Variants in GYPB observed in about 807,000 individuals in gnomAD.
GYPB encodes glycophorin B (MNS blood group).
GYPB carries 13 observed loss-of-function variants against 15.3 expected under a neutral mutation model. That is an observed-to-expected ratio of 0.85 (90% CI 0.55 to 1.35). The LOEUF (loss-of-function observed/expected upper bound fraction) is 1.35. GYPB is among the 40% of genes most tolerant of loss of function. GYPB has a pLI of 0.00. For synonymous variants in GYPB, 38 were observed against 36.9 expected (o/e 1.03, Z -0.11); for missense variants, 131 against 108.3 (o/e 1.21, Z -0.93).
At chr4:144,004,562 T>A (rs1727795192) in intron 1 of GYPB, among the ~76,000 whole-genome samples, 1 of 150,954 alleles carries the variant, frequency 6.6e-6, no homozygotes, top group African/African-American at 2.5e-5. Flanking sequence ...ATTTAAAGAA[T>A]TTCATCAATA....
intron 2 of GYPB, chr4:144,000,587 TTTC>T (rs1727574099): frequency 1.2e-5 from 4 of 320,754 alleles, no homozygotes; most frequent in Non-Finnish European, 1.2e-5. Context: ...AGCTCCAGAA[TTTC>T]TTCTTCTCCC....
intron 3 of GYPB, among the ~76,000 whole-genome samples, chr4:143,998,230 A>G (rs1312399538): frequency 2.0e-5 from 3 of 151,438 alleles, no homozygotes; most frequent in Non-Finnish European, 4.4e-5. Context: ...AGTCTCCAAT[A>G]TAGTCACTAA....
chr4:144,004,954 CA>C (rs1448388225), intron 1 of GYPB, among the ~76,000 whole-genome samples: 1 of 151,860 alleles, frequency 6.6e-6, no homozygotes, highest in African/African-American at 2.4e-5. Context: ...AACCATTGAA[CA>C]ACAAACTTTA....
chr4:144,018,231 G>T (rs1175338486), intron 1 of GYPB, among the ~76,000 whole-genome samples: 1 of 151,356 alleles, frequency 6.6e-6, no homozygotes, highest in Non-Finnish European at 1.5e-5. Flanking sequence ...ACATAAAAAT[G>T]TGGGCCCTTA....
In GYPB at chr4:144,011,704, A is replaced by G. The variant is rs1407447945; in HGVS notation, c.37+7547T>C. On this transcript the variant is annotated intron_variant, in intron 1 of 4. Transcript: ENST00000502664. ...ATATATCTGCTTGCAATCACAAGCT[A>G]TTGATTTATATGATTTTTTGCTAAC... Among the ~76,000 whole-genome samples, 3 of 151,350 alleles carry G rather than the reference A, an allele frequency of 2.0e-5. 1 individual carries two copies. The highest frequency in any genetic ancestry group is 7.4e-5 in the African/African-American group (3 of 40,616).
chr4:144,018,248 C>A (rs530787035), intron 1 of GYPB, among the ~76,000 whole-genome samples: 1 of 151,292 alleles, frequency 6.6e-6, no homozygotes, highest in East Asian at 1.9e-4. Context: ...CTTAATTTGC[C>A]TTAATGTTCC....
intron 3 of GYPB, among the ~76,000 whole-genome samples, chr4:143,998,042 C>T (rs1052107850): frequency 1.3e-5 from 2 of 151,362 alleles, no homozygotes; most frequent in African/African-American, 4.9e-5. Context: ...GAGCATTGAA[C>T]AGATCATAGA....
rs966044382 is a variant in GYPB, at chr4:144,018,397, T to A, written c.37+854A>T. Among the ~76,000 whole-genome samples, 9 of 149,874 alleles carry A rather than the reference T, an allele frequency of 6.0e-5. 1 individual carries two copies. The highest frequency in any genetic ancestry group is 2.3e-4 in the African/African-American group (9 of 39,316). ...TCTCTCTTCCCTGTATGCTACAGAG[T>A]GCTCAGTAGATCCTTGATACTTGCG... On this transcript the variant is annotated intron_variant, in intron 1 of 4. Coordinates refer to ENST00000502664, the MANE Select transcript of GYPB (RefSeq NM_002100.6).
intron 1 of GYPB, among the ~76,000 whole-genome samples, chr4:144,015,424 A>G (rs1728436199): frequency 6.6e-6 from 1 of 151,432 alleles, no homozygotes; most frequent in Non-Finnish European, 1.5e-5. Flanking sequence ...TTTTGTCAGC[A>G]CCATATAAGT....
intron 1 of GYPB, chr4:144,002,584 T>G: frequency 3.1e-6 from 4 of 1,286,502 alleles, no homozygotes; most frequent in Non-Finnish European, 4.1e-6. Flanking sequence ...TGCTCATCTC[T>G]TGGAGACATT....
At chr4:144,003,513 C>T (rs2667341) in intron 1 of GYPB, among the ~76,000 whole-genome samples, 2 of 151,312 alleles carry the variant, frequency 1.3e-5, no homozygotes, top group South Asian at 2.1e-4. Context: ...AAAGAACCAA[C>T]AATGGGAGCT....
intron 1 of GYPB, among the ~76,000 whole-genome samples, chr4:144,018,215 G>A (rs906463892): frequency 7.3e-5 from 11 of 151,268 alleles, no homozygotes; most frequent in Admixed American, 2.0e-4. Context: ...TTTTAAAGAC[G>A]AGGACACATA....
chr4:144,015,222 T>C (rs1464465549), intron 1 of GYPB, among the ~76,000 whole-genome samples: 1 of 151,374 alleles, frequency 6.6e-6, no homozygotes, highest in Admixed American at 6.6e-5. Flanking sequence ...GTATTCAAAA[T>C]GAGAAAAAAT....
At chr4:144,014,141 A>G (rs1215165880) in intron 1 of GYPB, among the ~76,000 whole-genome samples, 19 of 151,914 alleles carry the variant, frequency 1.3e-4, no homozygotes, top group African/African-American at 4.1e-4. Context: ...CACCTCATAC[A>G]CTCTGGTGAA....
intron 3 of GYPB, among the ~76,000 whole-genome samples, chr4:143,998,491 G>A (rs1013874668): frequency 4.0e-5 from 6 of 149,498 alleles, no homozygotes; most frequent in Non-Finnish European, 5.9e-5. Context: ...GAATGTATGC[G>A]ATAGTGATGA....
chr4:143,999,354 A>G, intron 3 of GYPB, 57 bp downstream of exon 3: 1 of 887,138 alleles, frequency 1.1e-6, no homozygotes, highest in Non-Finnish European at 1.9e-6. Context: ...CATTTGAAAC[A>G]AGCAATGGAT....
chr4:144,018,681 T>G (rs1366891509), intron 1 of GYPB, among the ~76,000 whole-genome samples: 1 of 151,432 alleles, frequency 6.6e-6, no homozygotes, highest in East Asian at 1.9e-4. Flanking sequence ...TTAATGGATT[T>G]AAATTTCTCC....
At position 144,019,335 on chromosome 4, in the gene GYPB, A is replaced by C; in HGVS notation, c.-48T>G. Reference sequence around the variant, plus strand: ...TGAAGTTAGTGCAAAAAAACTACCAAAGACAACTGCAAGTGTCAGTGTCTG... The same window carrying C: ...TGAAGTTAGTGCAAAAAAACTACCACAGACAACTGCAAGTGTCAGTGTCTG... On this transcript the variant is annotated 5_prime_UTR_variant, in exon 1 of 5. Coordinates refer to ENST00000502664, the MANE Select transcript of GYPB (RefSeq NM_002100.6). The C allele has an allele frequency of 6.2e-7, 1 of 1,611,556 alleles. No individual in the cohort carries two copies. The highest frequency in any genetic ancestry group is 8.5e-7 in the Non-Finnish European group (1 of 1,179,280).
intron 3 of GYPB, among the ~76,000 whole-genome samples, chr4:143,998,215 T>G (rs1380807359): frequency 7.3e-5 from 11 of 151,440 alleles, no homozygotes; most frequent in African/African-American, 1.2e-4. Flanking sequence ...AGTATTCTTA[T>G]GCATAGTCTC....
Sources: allele counts gnomAD v4.1 joint callset (sites outside exome capture counted in the v4.1 genomes callset), GRCh38; gene constraint gnomAD v4.1.1; transcripts MANE v1.5; gene names NCBI Gene and HGNC (gene_info 2026-07-23, HGNC 2026-07-21).